RIGI: variants seen among roughly 807,000 people sequenced by gnomAD.
RIGI encodes the protein antiviral innate immune response receptor RIG-I.
chr9:32,495,098 CA>C, the RIGI span, among the ~76,000 whole-genome samples: 3 of 152,214 alleles, frequency 2.0e-5, no homozygotes, highest in Admixed American at 2.0e-4. Flanking sequence ...GAGGGACTGC[CA>C]TACTGTTTTC....
At chr9:32,487,697 A>C in the RIGI span, 1 of 1,571,682 alleles carries the variant, frequency 6.4e-7, no homozygotes, top group Non-Finnish European at 8.7e-7. Flanking sequence ...ACAACCCCTC[A>C]TATAACTCTT....
chr9:32,464,335 C>G, the RIGI span, among the ~76,000 whole-genome samples: 1 of 152,148 alleles, frequency 6.6e-6, no homozygotes, highest in Non-Finnish European at 1.5e-5. Context: ...CCATAATTCC[C>G]TTTAGTCTTA....
the RIGI span, chr9:32,457,095 C>T: frequency 1.3e-6 from 2 of 1,588,258 alleles, no homozygotes; most frequent in Admixed American, 1.7e-5. Flanking sequence ...TACTCATTCC[C>T]TGTAGCTGAA....
the RIGI span, among the ~76,000 whole-genome samples, chr9:32,468,885 A>T: frequency 6.6e-6 from 1 of 152,188 alleles, no homozygotes; most frequent in African/African-American, 2.4e-5. Flanking sequence ...AGGCAATGCT[A>T]TCTGCTCACC....
At chr9:32,502,981 G>A in the RIGI span, among the ~76,000 whole-genome samples, 6 of 152,114 alleles carry the variant, frequency 3.9e-5, no homozygotes, top group African/African-American at 1.4e-4. Flanking sequence ...TGAAGTACTG[G>A]GGTTTAGGAC....
the RIGI span, among the ~76,000 whole-genome samples, chr9:32,495,081 A>G: frequency 6.6e-6 from 1 of 152,212 alleles, no homozygotes; most frequent in Non-Finnish European, 1.5e-5. Context: ...TATATTTTCA[A>G]TTTTTTGAGG....
chr9:32,460,188 G>A, the RIGI span, among the ~76,000 whole-genome samples: 2 of 152,086 alleles, frequency 1.3e-5, 1 homozygote, highest in Admixed American at 1.3e-4. Flanking sequence ...GCCTCCCTCC[G>A]TGATTCTGAG....
chr9:32,521,152 A>AAAAAAAAAAAAAAAAAAAT, the RIGI span, among the ~76,000 whole-genome samples: 1 of 150,416 alleles, frequency 6.6e-6, no homozygotes, highest in Non-Finnish European at 1.5e-5. Context: ...AAAAAAAAAA[A>AAAAAAAAAAAAAAAAAAAT]AAAAAAAAAA....
At chr9:32,509,622 C>T in the RIGI span, among the ~76,000 whole-genome samples, 2 of 152,098 alleles carry the variant, frequency 1.3e-5, no homozygotes, top group Non-Finnish European at 2.9e-5. Flanking sequence ...GCAGATAAAT[C>T]CATGAAGATG....
At chr9:32,471,841 C>T in the RIGI span, among the ~76,000 whole-genome samples, 1 of 152,168 alleles carries the variant, frequency 6.6e-6, no homozygotes, top group Non-Finnish European at 1.5e-5. Flanking sequence ...TGGTGTTAGA[C>T]TTCATTTGGT....
the RIGI span, among the ~76,000 whole-genome samples, chr9:32,517,593 C>T: frequency 2.6e-5 from 4 of 152,234 alleles, no homozygotes; most frequent in South Asian, 6.2e-4. Flanking sequence ...ATTTTTGTCT[C>T]GGCTTTATAT....
the RIGI span, among the ~76,000 whole-genome samples, chr9:32,481,695 C>A: frequency 6.6e-6 from 1 of 152,092 alleles, no homozygotes; most frequent in Non-Finnish European, 1.5e-5. Context: ...AAGCGATTCT[C>A]CTGCCTCAGC....
chr9:32,465,483 A>G, the RIGI span, among the ~76,000 whole-genome samples: 5 of 152,320 alleles, frequency 3.3e-5, no homozygotes, highest in South Asian at 1.0e-3. Context: ...AACAGCTCTC[A>G]TTTCTTGGGC....
the RIGI span, chr9:32,480,336 T>C: frequency 1.2e-6 from 2 of 1,601,554 alleles, no homozygotes; most frequent in East Asian, 2.2e-5. Context: ...TCACTGATAA[T>C]GAGGGCATCA....
chr9:32,525,194 T>G, the RIGI span, among the ~76,000 whole-genome samples: 40 of 152,200 alleles, frequency 2.6e-4, no homozygotes, highest in Admixed American at 2.6e-3. Flanking sequence ...CCTTGTCCAC[T>G]AGAGGCAAGG....
chr9:32,487,724 C>A, the RIGI span: 1 of 1,479,636 alleles, frequency 6.8e-7, no homozygotes, highest in Non-Finnish European at 9.1e-7. Context: ...TGGGGTAGGG[C>A]GTTTTTTTGT....
chr9:32,472,164 C>T, the RIGI span, among the ~76,000 whole-genome samples: 10 of 152,114 alleles, frequency 6.6e-5, no homozygotes, highest in Non-Finnish European at 1.2e-4. Context: ...TTGTAAAATA[C>T]ATAATATACA....
chr9:32,488,348 C>G, the RIGI span: 1 of 783,966 alleles, frequency 1.3e-6, no homozygotes, highest in Admixed American at 2.7e-5. Context: ...TAGCACAGAG[C>G]CTGACACATA....
chr9:32,462,383 TA>T, the RIGI span, among the ~76,000 whole-genome samples: 116 of 133,852 alleles, frequency 8.7e-4, no homozygotes, highest in African/African-American at 2.6e-3. Context: ...TTGCTTTATA[TA>T]AAAAAAAAAT....
Sources: gnomAD v4.1 joint callset for allele counts (sites outside exome capture counted in the v4.1 genomes callset) on GRCh38, gnomAD v4.1.1 for gene constraint, MANE v1.5 for transcripts, NCBI Gene and HGNC (gene_info 2026-07-23, HGNC 2026-07-21) for gene names.